Variants in TMC2 observed in about 807,000 individuals in gnomAD.
The protein encoded by TMC2 is transmembrane channel-like protein 2.
In TMC2, 102 loss-of-function variants were observed where a neutral mutation model predicts 105.9. That is an observed-to-expected ratio of 0.96 (90% CI 0.82 to 1.14). TMC2 has a LOEUF of 1.14. Among genes scored for constraint, TMC2 ranks in the 50% most tolerant of loss-of-function variants. The pLI is 0.00. For synonymous variants in TMC2, 402 were observed against 422.8 expected (o/e 0.95, Z 0.60); for missense variants, 1,093 against 1,134.3 (o/e 0.96, Z 0.52).
chr20:2,609,271 G>A (rs138866210), intron 11 of TMC2, among the ~76,000 whole-genome samples: 4 of 152,224 alleles, frequency 2.6e-5, no homozygotes, highest in African/African-American at 7.2e-5. Flanking sequence ...GTGGATTAGA[G>A]GCCCCAGTGT....
chr20:2,613,454 T>C, intron 14 of TMC2, 132 bp downstream of exon 14: 1 of 1,322,086 alleles, frequency 7.6e-7, no homozygotes, highest in South Asian at 1.2e-5. Context: ...TGTAGAGTAG[T>C]AAAGTGTTTA....
intron 11 of TMC2, among the ~76,000 whole-genome samples, chr20:2,604,233 C>T (rs1174915885): frequency 6.6e-6 from 1 of 152,198 alleles, no homozygotes; most frequent in Non-Finnish European, 1.5e-5. Flanking sequence ...CAGGTCCTGG[C>T]TGCTTTTATG....
intron 2 of TMC2, among the ~76,000 whole-genome samples, chr20:2,543,786 C>T (rs1198015511): frequency 6.6e-6 from 1 of 152,116 alleles, no homozygotes; most frequent in African/African-American, 2.4e-5. Context: ...GAAAAGCCAT[C>T]AGTATGTCAA....
chr20:2,551,395 T>A (rs566022204), intron 2 of TMC2, among the ~76,000 whole-genome samples: 2 of 142,674 alleles, frequency 1.4e-5, no homozygotes, highest in African/African-American at 2.8e-5. Flanking sequence ...TTCTACTAGT[T>A]TGTGGGTTTT....
chr20:2,537,351 C>A, intron 2 of TMC2, 35 bp downstream of exon 2: 1 of 1,559,946 alleles, frequency 6.4e-7, no homozygotes, highest in Non-Finnish European at 8.7e-7. Flanking sequence ...GGGGAGCCTG[C>A]AGTGCCTGGG....
At chr20:2,621,673 A>T (rs1600136686) in intron 16 of TMC2, among the ~76,000 whole-genome samples, 1 of 152,226 alleles carries the variant, frequency 6.6e-6, no homozygotes, top group Non-Finnish European at 1.5e-5. Flanking sequence ...GTCTCAAAAA[A>T]TAAAAAATAA....
intron 11 of TMC2, among the ~76,000 whole-genome samples, chr20:2,604,156 T>G (rs1428525105): frequency 6.6e-6 from 1 of 152,234 alleles, no homozygotes; most frequent in Non-Finnish European, 1.5e-5. Context: ...CAGCAGCCAC[T>G]GCCAAAATCG....
chr20:2,543,446 T>A (rs2085904213), intron 2 of TMC2, among the ~76,000 whole-genome samples: 1 of 152,124 alleles, frequency 6.6e-6, no homozygotes, highest in Non-Finnish European at 1.5e-5. Flanking sequence ...AAGTGAGAGC[T>A]GGAATGAGAC....
chr20:2,579,134 C>G lies in TMC2; in HGVS notation c.646-12C>G, dbSNP rs1191392032. ...TGTTAAGGAACTGAGAGTTTTACGT[C>G]TTTTATTTCAGAAATGGGTCAAATT... On this transcript the variant is annotated splice_polypyrimidine_tract_variant and intron_variant, in intron 5 of 19. Transcript: ENST00000358864. The G allele has an allele frequency of 2.0e-6, 3 of 1,502,422 alleles. No homozygotes were observed. The African/African-American group carries it at 4.1e-5, about 21-fold the overall frequency. The allele number at this position is 1,502,422 out of a possible 1,614,324, so 93.1% of individuals were successfully genotyped here.
intron 4 of TMC2, among the ~76,000 whole-genome samples, chr20:2,564,179 A>C (rs1313457371): frequency 5.4e-5 from 6 of 110,142 alleles, no homozygotes; most frequent in Admixed American, 1.2e-4. Context: ...GAGATGGAGT[A>C]TCGCTCTGTC....
At chr20:2,615,540 A>G (rs148794618) in intron 14 of TMC2, among the ~76,000 whole-genome samples, 2 of 152,172 alleles carry the variant, frequency 1.3e-5, no homozygotes, top group Admixed American at 1.3e-4. Context: ...CACAGATTTT[A>G]TGTTCTTTCA....
At chr20:2,546,817 T>A (rs974230931) in intron 2 of TMC2, among the ~76,000 whole-genome samples, 3 of 152,138 alleles carry the variant, frequency 2.0e-5, no homozygotes, top group African/African-American at 7.2e-5. Context: ...GGGTAACTTA[T>A]TACTGAAAAC....
intron 10 of TMC2, among the ~76,000 whole-genome samples, chr20:2,598,404 T>TTATC (rs901591373): frequency 6.0e-5 from 9 of 148,784 alleles, no homozygotes; most frequent in African/African-American, 2.3e-4. Context: ...CTTTATTTAT[T>TTATC]TATTTATTTA....
intron 14 of TMC2, among the ~76,000 whole-genome samples, chr20:2,615,191 G>A (rs2086470787): frequency 6.6e-6 from 1 of 152,142 alleles, no homozygotes; most frequent in Admixed American, 6.5e-5. Flanking sequence ...GCATGGTGCT[G>A]CACACCTGTA....
At chr20:2,568,784 T>G (rs1038425093) in intron 4 of TMC2, among the ~76,000 whole-genome samples, 3 of 152,108 alleles carry the variant, frequency 2.0e-5, no homozygotes, top group African/African-American at 7.2e-5. Flanking sequence ...AAGATCCCAT[T>G]GAGGAGGACA....
intron 7 of TMC2, among the ~76,000 whole-genome samples, chr20:2,589,694 A>T (rs2086255675): frequency 6.6e-6 from 1 of 152,008 alleles, no homozygotes; most frequent in Admixed American, 6.6e-5. Context: ...TTTTGAGACA[A>T]AGTCTCCCTC....
chr20:2,593,849 T>C (rs1223599664), intron 8 of TMC2, among the ~76,000 whole-genome samples: 1 of 152,186 alleles, frequency 6.6e-6, no homozygotes, highest in Non-Finnish European at 1.5e-5. Context: ...TCCAGTGTTC[T>C]TAATTGGGTT....
intron 3 of TMC2, among the ~76,000 whole-genome samples, chr20:2,559,844 G>A (rs899478461): frequency 1.3e-5 from 2 of 152,168 alleles, no homozygotes; most frequent in African/African-American, 2.4e-5. Flanking sequence ...TGAATGCACC[G>A]TTGATGGGCC....
chr20:2,555,446 T>C lies in TMC2; in HGVS notation c.83-3010T>C, dbSNP rs145996737. Among the ~76,000 whole-genome samples the C allele has an allele frequency of 1.4e-3, 208 of 152,298 alleles. 1 individual carries two copies. Among genetic ancestry groups the C allele is most frequent in the African/African-American group, 4.9e-3 (204 of 41,572 alleles). Reference sequence around the variant, plus strand: ...TCTGCTTTGTCTGAAATTAATACAATTGCTCAAGCTTTTTTTTTTATAATC... The same window carrying C: ...TCTGCTTTGTCTGAAATTAATACAACTGCTCAAGCTTTTTTTTTTATAATC... On this transcript the variant is annotated intron_variant, in intron 2 of 19. Transcript: ENST00000358864.
Sources: gnomAD v4.1 joint callset for allele counts (sites outside exome capture counted in the v4.1 genomes callset) on GRCh38, gnomAD v4.1.1 for gene constraint, MANE v1.5 for transcripts, NCBI Gene and HGNC (gene_info 2026-07-23, HGNC 2026-07-21) for gene names.